Variants in ATAD3B observed in about 807,000 individuals in gnomAD.
ATAD3B encodes the protein ATPase family AAA domain containing 3B, also known as ATPase family AAA domain-containing protein 3B.
ATAD3B carries 59 observed loss-of-function variants against 70.2 expected under a neutral mutation model. The observed-to-expected ratio is 0.84, with a 90% CI of 0.68 to 1.04. The LOEUF (loss-of-function observed/expected upper bound fraction) is 1.04. ATAD3B is among the 50% of genes least tolerant of loss of function. The pLI, the probability that ATAD3B is intolerant of heterozygous loss-of-function variation, is 0.00. For synonymous variants in ATAD3B, 423 were observed against 388.6 expected (o/e 1.09, Z -1.04); for missense variants, 961 against 913.4 (o/e 1.05, Z -0.67).
intron 4 of ATAD3B, 31 bp from the exon 5 acceptor site, chr1:1,480,836 G>C (rs771988382): frequency 6.3e-7 from 1 of 1,593,856 alleles, no homozygotes; most frequent in South Asian, 1.1e-5. Flanking sequence ...GGTTTTAAAG[G>C]CTTTTCTCTT....
chr1:1,501,302 T>A (rs1316678953), downstream of ATAD3B, among the ~76,000 whole-genome samples: 3 of 151,662 alleles, frequency 2.0e-5, no homozygotes, highest in Admixed American at 1.3e-4. Flanking sequence ...TCACCGAGGC[T>A]GGAGTGCAAT....
chr1:1,498,721 C>G (rs568161065), downstream of ATAD3B, among the ~76,000 whole-genome samples: 1 of 150,576 alleles, frequency 6.6e-6, no homozygotes, highest in South Asian at 2.1e-4. Context: ...TTGTTTTTTT[C>G]AGACGGAGTC....
At chr1:1,500,316 G>A (rs1244686160), downstream of ATAD3B, among the ~76,000 whole-genome samples, 1 of 150,836 alleles carries the variant, frequency 6.6e-6, no homozygotes, top group Non-Finnish European at 1.5e-5. Flanking sequence ...ACTTTGGGAG[G>A]CCGAGGCGGG....
In ATAD3B at chr1:1,474,446, A is replaced by T. The variant is rs375783549; in HGVS notation, c.205+2357A>T. Among the ~76,000 whole-genome samples, 242 of 150,490 alleles carry T rather than the reference A, an allele frequency of 1.6e-3. 3 individuals are homozygous for T. Among genetic ancestry groups the T allele is most frequent in the South Asian group, 5.7e-3 (27 of 4,748 alleles). ...ACCCCGTGATCCACCCGCCTCGGCC[A>T]CCCAAAGTGCTGGGATTACAGACGT... On this transcript the variant is annotated intron_variant, in intron 1 of 15. Coordinates refer to ENST00000673477, the MANE Select transcript of ATAD3B (RefSeq NM_031921.6).
rs137891430 is a variant in ATAD3B, at chr1:1,486,133, C to A, written c.987C>A (p.Arg329=). Residue 329 remains arginine (R), a synonymous_variant, in exon 10 of 16, where the codon CGC becomes CGA. Transcript: ENST00000673477. ...AGCCCAGCCTGGAAGCACGGGTGCG[C>A]GACATCGCCATAGCAACCAGGAACA... ...VLSPSLEARV[R]DIAIATRNTK... 5 of 1,613,062 alleles carry A rather than the reference C, an allele frequency of 3.1e-6. No individual in the cohort carries two copies. The highest frequency in any genetic ancestry group is 1.7e-5 in the Admixed American group (1 of 59,950).
At position 1,482,627 on chromosome 1, in the gene ATAD3B, A is replaced by C. The variant is rs532657865; in HGVS notation, c.750+13A>C. The stretch of plus-strand genomic sequence containing the variant: ...AGTGACAGCCACGGTAAACATATTC[A>C]TAAAACAGGGCTGGCAGGTGGCTGA... On this transcript the variant is annotated intron_variant, in intron 7 of 15. Transcript: ENST00000673477. 2.2e-5 allele frequency: 36 copies of C among 1,613,298 alleles called. 1 individual carries two copies. In the African/African-American group the frequency reaches 4.4e-4, roughly 20 times the overall value.
intron 7 of ATAD3B, chr1:1,483,970 T>C (rs1640065010): frequency 1.3e-5 from 2 of 151,998 alleles, no homozygotes; most frequent in Admixed American, 1.3e-4. Flanking sequence ...AAGTGCCCAC[T>C]CAGTGCCGGG....
chr1:1,485,100 C>T lies in ATAD3B; in HGVS notation c.835C>T (p.Leu279=), dbSNP rs1347865497. The change falls in exon 8 of 16, where the codon CTG becomes TTG. Residue 279 remains leucine, a synonymous_variant. Coordinates refer to ENST00000673477, the MANE Select transcript of ATAD3B (RefSeq NM_031921.6). ...AVTGRFIEAR[L]GKPSLVRETS... ...CACTGGCCGCTTCATCGAGGCTCGG[C>T]TGGGGAAGCCGTCCCTAGTGAGGGA... The T allele has an allele frequency of 1.2e-6, 2 of 1,610,152 alleles. No homozygotes were observed. The highest frequency in any genetic ancestry group is 1.3e-5 in the African/African-American group (1 of 74,862).
chr1:1,479,757 C>A (rs1570213485), intron 4 of ATAD3B, among the ~76,000 whole-genome samples: 2 of 145,090 alleles, frequency 1.4e-5, no homozygotes, highest in Admixed American at 7.0e-5. Context: ...ATGCACACCC[C>A]TCTGCACACA....
At chr1:1,473,039 G>A (rs2100510678) in intron 1 of ATAD3B, among the ~76,000 whole-genome samples, 1 of 149,944 alleles carries the variant, frequency 6.7e-6, no homozygotes, top group East Asian at 2.0e-4. Flanking sequence ...TGGCCAGGGT[G>A]CTCTCCAACT....
At chr1:1,499,249 G>T (rs533676577), downstream of ATAD3B, among the ~76,000 whole-genome samples, 1 of 150,702 alleles carries the variant, frequency 6.6e-6, no homozygotes, top group East Asian at 2.0e-4. Flanking sequence ...GGGATTACAG[G>T]CGTGAGCCAG....
At chr1:1,479,722 CA>C (rs1639801539) in intron 4 of ATAD3B, among the ~76,000 whole-genome samples, 1 of 145,372 alleles carries the variant, frequency 6.9e-6, no homozygotes, top group African/African-American at 2.6e-5. Flanking sequence ...ACGCACCTCC[CA>C]CACACACCCG....
the ATAD3B span, chr1:1,503,586 C>T: frequency 1.2e-6 from 2 of 1,611,176 alleles, no homozygotes; most frequent in Non-Finnish European, 1.7e-6. Context: ...GCCTGCAGGC[C>T]ACATCAAAGG....
At chr1:1,491,186 G>A (rs1640523297) in intron 15 of ATAD3B, among the ~76,000 whole-genome samples, 2 of 151,928 alleles carry the variant, frequency 1.3e-5, no homozygotes. Flanking sequence ...CTGCTCCTTG[G>A]ATACTCCAGG....
intron 14 of ATAD3B, 35 bp downstream of exon 14, chr1:1,490,459 G>A (rs750795541): frequency 6.2e-7 from 1 of 1,612,214 alleles, no homozygotes; most frequent in Non-Finnish European, 8.5e-7. Flanking sequence ...CCCAATCCAG[G>A]CACCATATGG....
intron 15 of ATAD3B, 101 bp from the exon 16 acceptor site, chr1:1,495,384 G>A: frequency 6.9e-7 from 1 of 1,448,794 alleles, no homozygotes; most frequent in Non-Finnish European, 9.3e-7. Flanking sequence ...AGGTTGTCCT[G>A]GTGCCCCTGG....
At chr1:1,476,371 A>T (rs1317869795) in intron 1 of ATAD3B, among the ~76,000 whole-genome samples, 2 of 150,354 alleles carry the variant, frequency 1.3e-5, no homozygotes, top group African/African-American at 5.0e-5. Context: ...GCTGGGCTCT[A>T]GTTAGTGACG....
At chr1:1,473,117 C>T (rs1245248756) in intron 1 of ATAD3B, among the ~76,000 whole-genome samples, 1 of 147,868 alleles carries the variant, frequency 6.8e-6, no homozygotes, top group Non-Finnish European at 1.5e-5. Context: ...GCCACAGCGC[C>T]CAGACAGAAG....
chr1:1,506,759 C>T, the ATAD3B span, among the ~76,000 whole-genome samples: 1 of 149,638 alleles, frequency 6.7e-6, no homozygotes, highest in African/African-American at 2.4e-5. Flanking sequence ...TTGTTTTTTC[C>T]AATATGGATT....
Sources: allele counts gnomAD v4.1 joint callset (sites outside exome capture counted in the v4.1 genomes callset), GRCh38; gene constraint gnomAD v4.1.1; transcripts MANE v1.5; gene names NCBI Gene and HGNC (gene_info 2026-07-23, HGNC 2026-07-21).